Variants in CNBD1 observed in about 807,000 individuals in gnomAD.
CNBD1 encodes cyclic nucleotide binding domain containing 1.
Under a neutral mutation model 54.4 loss-of-function variants are expected in CNBD1, and 71 were observed. The observed-to-expected ratio is 1.30, with a 90% CI of 1.08 to 1.59. The LOEUF is 1.59. Among genes scored for constraint, CNBD1 ranks in the 40% most tolerant of loss-of-function variants. The pLI, the probability that CNBD1 is intolerant of heterozygous loss-of-function variation, is 0.00. For missense variants in CNBD1, 659 were observed against 518.0 expected, an observed-to-expected ratio of 1.27 and a Z score of -2.64; for synonymous variants, 182 against 170.7, an observed-to-expected ratio of 1.07 and a Z score of -0.51.
chr8:87,266,787 G>A (rs1211301575), intron 6 of CNBD1, among the ~76,000 whole-genome samples: 4 of 152,020 alleles, frequency 2.6e-5, no homozygotes, highest in African/African-American at 9.7e-5. Context: ...GACATGAAGA[G>A]CAGTGAGTAA....
chr8:87,212,601 G>A (rs1027086337), intron 5 of CNBD1, among the ~76,000 whole-genome samples: 3 of 152,102 alleles, frequency 2.0e-5, no homozygotes, highest in African/African-American at 7.2e-5. Flanking sequence ...CAATTCAGTG[G>A]TGGAAAGAAA....
chr8:87,255,721 A>G (rs1807995791), intron 6 of CNBD1, among the ~76,000 whole-genome samples: 1 of 151,500 alleles, frequency 6.6e-6, no homozygotes. Context: ...CCTAACTTCC[A>G]ACATTGACCC....
intron 2 of CNBD1, among the ~76,000 whole-genome samples, chr8:87,422,546 C>T (rs1407634900): frequency 6.6e-6 from 1 of 152,022 alleles, no homozygotes; most frequent in Non-Finnish European, 1.5e-5. Context: ...TTCCCCATTG[C>T]TTGTTTTTCT....
At chr8:87,329,948 G>A (rs899126463) in intron 8 of CNBD1, among the ~76,000 whole-genome samples, 1 of 151,888 alleles carries the variant, frequency 6.6e-6, no homozygotes, top group Admixed American at 6.6e-5. Flanking sequence ...CTAGTGAGAG[G>A]AGATATCTTT....
chr8:87,079,174 G>A (rs1340655732), intron 4 of CNBD1, among the ~76,000 whole-genome samples: 1 of 151,662 alleles, frequency 6.6e-6, no homozygotes, highest in African/African-American at 2.4e-5. Flanking sequence ...TGTCATCCAA[G>A]TTTTGTGGTA....
chr8:87,331,044 C>CT (rs1325763490), intron 8 of CNBD1, among the ~76,000 whole-genome samples: 3 of 151,876 alleles, frequency 2.0e-5, no homozygotes, highest in African/African-American at 7.3e-5. Context: ...TGTTAGTTTT[C>CT]TTTTTTTATT....
At chr8:87,412,470 A>T (rs1414786235) in intron 2 of CNBD1, among the ~76,000 whole-genome samples, 1 of 152,086 alleles carries the variant, frequency 6.6e-6, no homozygotes, top group East Asian at 1.9e-4. Context: ...AAACATGCCT[A>T]TGTGTTCATG....
chr8:87,316,181 A>T (rs761909802), intron 8 of CNBD1, among the ~76,000 whole-genome samples: 2 of 152,042 alleles, frequency 1.3e-5, no homozygotes, highest in Non-Finnish European at 2.9e-5. Flanking sequence ...AAGCTGTAAT[A>T]TTGTTGCATA....
chr8:87,391,360 C>T (rs114539522), intron 2 of CNBD1, among the ~76,000 whole-genome samples: 1,826 of 152,176 alleles, frequency 0.012, 39 homozygotes, highest in African/African-American at 0.039. Context: ...AAGCCACAAG[C>T]TAATCCTAAA....
intron 3 of CNBD1, among the ~76,000 whole-genome samples, chr8:86,920,585 A>C (rs952768602): frequency 6.6e-6 from 1 of 152,068 alleles, no homozygotes; most frequent in Non-Finnish European, 1.5e-5. Context: ...TCCACTGGCT[A>C]CTCTCTAATA....
intron 8 of CNBD1, among the ~76,000 whole-genome samples, chr8:87,335,303 G>A (rs970958647): frequency 6.6e-6 from 1 of 152,112 alleles, no homozygotes; most frequent in Non-Finnish European, 1.5e-5. Flanking sequence ...TGACAGTGGG[G>A]TGTTAAAGTC....
intron 4 of CNBD1, among the ~76,000 whole-genome samples, chr8:87,185,359 G>C (rs963767839): frequency 6.6e-6 from 1 of 151,964 alleles, no homozygotes; most frequent in Non-Finnish European, 1.5e-5. Context: ...ACTTCTTCGC[G>C]TAGTAATTTT....
chr8:87,178,893 T>A (rs958513604), intron 4 of CNBD1, among the ~76,000 whole-genome samples: 1 of 151,856 alleles, frequency 6.6e-6, no homozygotes, highest in Non-Finnish European at 1.5e-5. Flanking sequence ...AATCCCTGAA[T>A]AGCTTTTGCT....
intron 4 of CNBD1, among the ~76,000 whole-genome samples, chr8:87,185,633 A>G (rs959906222): frequency 1.1e-4 from 17 of 152,304 alleles, no homozygotes; most frequent in African/African-American, 3.8e-4. Context: ...TGCTTTTTAG[A>G]AACAAGAACT....
At chr8:87,074,246 C>T (rs1810819412) in intron 4 of CNBD1, among the ~76,000 whole-genome samples, 1 of 151,974 alleles carries the variant, frequency 6.6e-6, no homozygotes, top group South Asian at 2.1e-4. Flanking sequence ...GACCAAACCA[C>T]AGAGATGGTG....
At chr8:86,990,591 T>C (rs1290973557) in intron 4 of CNBD1, among the ~76,000 whole-genome samples, 1 of 152,192 alleles carries the variant, frequency 6.6e-6, no homozygotes, top group Non-Finnish European at 1.5e-5. Flanking sequence ...TTGGTTACTA[T>C]AGCTCTGTAG....
At chr8:87,141,891 A>G (rs1304370284) in intron 4 of CNBD1, among the ~76,000 whole-genome samples, 7 of 152,154 alleles carry the variant, frequency 4.6e-5, no homozygotes, top group Non-Finnish European at 7.4e-5. Context: ...ATGTTTTCAA[A>G]TTATTCATTT....
chr8:87,320,673 C>T (rs1008154626), intron 8 of CNBD1, among the ~76,000 whole-genome samples: 2 of 151,460 alleles, frequency 1.3e-5, no homozygotes, highest in African/African-American at 4.9e-5. Context: ...AATACAGTAA[C>T]TCAAAGGTTA....
chr8:87,289,071 A>G (rs1216507596), intron 8 of CNBD1, among the ~76,000 whole-genome samples: 3 of 152,104 alleles, frequency 2.0e-5, no homozygotes, highest in Non-Finnish European at 4.4e-5. Context: ...GAATGTAGAG[A>G]ATGTAGCTCA....
Sources: allele counts gnomAD v4.1 joint callset (sites outside exome capture counted in the v4.1 genomes callset), GRCh38; gene constraint gnomAD v4.1.1; transcripts MANE v1.5; gene names NCBI Gene and HGNC (gene_info 2026-07-23, HGNC 2026-07-21).